Variants in CA10 observed in about 807,000 individuals in gnomAD.
The protein encoded by CA10 is carbonic anhydrase-related protein 10.
Under a neutral mutation model 44.2 loss-of-function variants are expected in CA10, and 14 were observed. The ratio of observed to expected loss-of-function variants is 0.32; its 90% CI spans 0.21 to 0.50. CA10 has a LOEUF of 0.50. CA10 is among the 20% of genes least tolerant of loss of function. The probability of loss-of-function intolerance (pLI) is 0.99; values close to 1 mark genes in which losing one functional copy is unlikely to be tolerated. For synonymous variants in CA10, 159 were observed against 141.6 expected, an observed-to-expected ratio of 1.12 and a Z score of -0.87; for missense variants, 350 against 409.7, an observed-to-expected ratio of 0.85 and a Z score of 1.26.
chr17:52,075,284 G>A (rs998778662), intron 1 of CA10, among the ~76,000 whole-genome samples: 16 of 152,092 alleles, frequency 1.1e-4, no homozygotes, highest in African/African-American at 3.6e-4. Context: ...GAAGTTGGAT[G>A]CTTAATTAAC....
intron 3 of CA10, among the ~76,000 whole-genome samples, chr17:51,906,086 G>T (rs1441524758): frequency 1.3e-5 from 2 of 152,062 alleles, no homozygotes; most frequent in Non-Finnish European, 2.9e-5. Context: ...CAGTGAATTG[G>T]ATTATTCCCA....
chr17:52,028,902 C>T (rs1465993023), intron 2 of CA10, among the ~76,000 whole-genome samples: 1 of 152,174 alleles, frequency 6.6e-6, no homozygotes, highest in African/African-American at 2.4e-5. Context: ...TTACCTTTTC[C>T]CACATAGCTT....
chr17:51,819,996 T>C (rs1907704529), intron 3 of CA10, among the ~76,000 whole-genome samples: 1 of 152,212 alleles, frequency 6.6e-6, no homozygotes, highest in African/African-American at 2.4e-5. Flanking sequence ...GGGTTTACTC[T>C]GTGCTGAGTT....
At chr17:51,820,452 T>TA (rs1907739066) in intron 3 of CA10, among the ~76,000 whole-genome samples, 1 of 119,148 alleles carries the variant, frequency 8.4e-6, no homozygotes, top group African/African-American at 3.3e-5. Flanking sequence ...GTTAAGCTCC[T>TA]AGTTTGAACC....
intron 2 of CA10, among the ~76,000 whole-genome samples, chr17:51,944,783 A>T (rs1158441007): frequency 1.3e-5 from 2 of 152,156 alleles, no homozygotes; most frequent in African/African-American, 4.8e-5. Context: ...TACAATGAGG[A>T]GGTAGTACTT....
At chr17:51,924,514 G>A (rs1317628977) in intron 3 of CA10, among the ~76,000 whole-genome samples, 1 of 152,170 alleles carries the variant, frequency 6.6e-6, no homozygotes, top group Non-Finnish European at 1.5e-5. Context: ...TGTGTTGGAT[G>A]TCTTCCGATC....
chr17:52,065,065 G>T (rs965659510), intron 2 of CA10, among the ~76,000 whole-genome samples: 8 of 152,132 alleles, frequency 5.3e-5, no homozygotes, highest in Non-Finnish European at 1.0e-4. Flanking sequence ...TTTTGCACTT[G>T]TCACTTTGCA....
At chr17:51,804,729 C>G (rs1035395326) in intron 3 of CA10, among the ~76,000 whole-genome samples, 2 of 152,152 alleles carry the variant, frequency 1.3e-5, no homozygotes, top group Non-Finnish European at 2.9e-5. Context: ...GGCCTGAAAA[C>G]TTTCTAGCTC....
At chr17:52,027,009 TTAAA>T (rs1986322865) in intron 2 of CA10, among the ~76,000 whole-genome samples, 2 of 152,114 alleles carry the variant, frequency 1.3e-5, no homozygotes, top group Non-Finnish European at 2.9e-5. Flanking sequence ...ATTGTAATAT[TTAAA>T]TAATTATACA....
At chr17:51,819,584 T>A (rs1907686540) in intron 3 of CA10, among the ~76,000 whole-genome samples, 1 of 152,238 alleles carries the variant, frequency 6.6e-6, no homozygotes. Context: ...GCTGATGAGC[T>A]AATGGAACTG....
At chr17:51,970,042 GA>G (rs1421307121) in intron 2 of CA10, among the ~76,000 whole-genome samples, 1 of 151,954 alleles carries the variant, frequency 6.6e-6, no homozygotes, top group East Asian at 1.9e-4. Context: ...TCAAGGAGTG[GA>G]AAGGGGAAAG....
chr17:52,032,857 C>T (rs1224372141), intron 2 of CA10, among the ~76,000 whole-genome samples: 6 of 152,088 alleles, frequency 3.9e-5, no homozygotes, highest in Admixed American at 2.0e-4. Flanking sequence ...GATTCATTAT[C>T]CAAACAGTGT....
chr17:51,754,587 G>C (rs1397028401), intron 3 of CA10, among the ~76,000 whole-genome samples: 1 of 151,600 alleles, frequency 6.6e-6, no homozygotes, highest in Middle Eastern at 3.2e-3. Context: ...TTTTCATTCA[G>C]GGAGGTCAGT....
At chr17:51,666,097 C>T (rs1238527603) in intron 4 of CA10, among the ~76,000 whole-genome samples, 2 of 152,242 alleles carry the variant, frequency 1.3e-5, no homozygotes, top group Non-Finnish European at 2.9e-5. Context: ...AACAAAATAT[C>T]TCAAACCTTC....
intron 4 of CA10, among the ~76,000 whole-genome samples, chr17:51,672,508 C>A (rs1407958169): frequency 6.6e-6 from 1 of 152,180 alleles, no homozygotes. Flanking sequence ...ATAACATTTT[C>A]ATCACCCCTA....
In CA10 at chr17:51,633,618, C is replaced by T. The variant is rs757679532; in HGVS notation, c.822G>A (p.Gln274=). Reference sequence around the variant, plus strand: ...TCATGCTCAGAAAGATCTGAGATGGCTGGTTCTGGCTGAGCAGGCGCAAGG... The same window carrying T: ...TCATGCTCAGAAAGATCTGAGATGGTTGGTTCTGGCTGAGCAGGCGCAAGG... ...MHSLRLLSQN[Q]PSQIFLSMSD... The change falls in exon 8 of 9, where the codon CAG becomes CAA. Residue 274 remains glutamine, a synonymous_variant. Transcript: ENST00000451037. 1.2e-6 allele frequency: 2 copies of T among 1,613,696 alleles called. No individual in the cohort carries two copies. Among genetic ancestry groups the T allele is most frequent in the South Asian group, 2.2e-5 (2 of 90,972 alleles).
intron 4 of CA10, among the ~76,000 whole-genome samples, chr17:51,740,882 T>C (rs1350717609): frequency 6.6e-6 from 1 of 152,212 alleles, no homozygotes; most frequent in African/African-American, 2.4e-5. Flanking sequence ...TGTAGCTCAC[T>C]CCTTCCACTC....
At chr17:52,008,973 C>T (rs1020678532) in intron 2 of CA10, among the ~76,000 whole-genome samples, 1 of 151,874 alleles carries the variant, frequency 6.6e-6, no homozygotes, top group African/African-American at 2.4e-5. Flanking sequence ...ACTTTGGTGC[C>T]TAGTACATTG....
chr17:51,899,261 A>G (rs1981207369), intron 3 of CA10, among the ~76,000 whole-genome samples: 1 of 151,516 alleles, frequency 6.6e-6, no homozygotes, highest in South Asian at 2.1e-4. Flanking sequence ...TGTTCTCGTT[A>G]GTTCAAAGAA....
Sources: allele counts gnomAD v4.1 joint callset (sites outside exome capture counted in the v4.1 genomes callset), GRCh38; gene constraint gnomAD v4.1.1; transcripts MANE v1.5; gene names NCBI Gene and HGNC (gene_info 2026-07-23, HGNC 2026-07-21).